CREBBP: variants seen among roughly 807,000 people sequenced by gnomAD.
CREBBP encodes the protein CREB-binding protein.
In CREBBP, 19 loss-of-function variants were observed where a neutral mutation model predicts 265.0. The ratio of observed to expected loss-of-function variants is 0.07; its 90% confidence interval spans 0.05 to 0.11. CREBBP has a LOEUF of 0.11. CREBBP is among the 10% of genes least tolerant of loss of function. The pLI, the probability that CREBBP is intolerant of heterozygous loss-of-function variation, is 1.00. For synonymous variants in CREBBP, 1,457 were observed against 1,223.7 expected (o/e 1.19, Z -3.98); for missense variants, 2,525 against 3,219.0 (o/e 0.78, Z 5.22).
rs146195629 is a variant in CREBBP, at chr16:3,767,636, A to C, written c.3250+84T>G. On this transcript the variant is annotated intron_variant, in intron 16 of 30. Coordinates refer to ENST00000262367, the MANE Select transcript of CREBBP (RefSeq NM_004380.3). ...AAAGGGCAGATAGAATTATGTTTCT[A>C]CTTTAGCTTTTAATCCTCCACATGG... The C allele has an allele frequency of 3.2e-6, 5 of 1,564,432 alleles. No individual in the cohort carries two copies. In the African/African-American group the frequency reaches 6.8e-5, roughly 21 times the overall value.
chr16:3,747,995 C>T (rs1170611742), intron 21 of CREBBP, among the ~76,000 whole-genome samples: 2 of 152,332 alleles, frequency 1.3e-5, no homozygotes, highest in Non-Finnish European at 2.9e-5. Flanking sequence ...GAGGCTGAGG[C>T]AGGAGAATCG....
intron 2 of CREBBP, among the ~76,000 whole-genome samples, chr16:3,839,452 A>G (rs2054521498): frequency 6.6e-6 from 1 of 152,068 alleles, no homozygotes; most frequent in Admixed American, 6.6e-5. Context: ...AGGCTGAGGC[A>G]GGCGGATCAC....
intron 16 of CREBBP, among the ~76,000 whole-genome samples, chr16:3,765,892 G>A (rs988152362): frequency 6.6e-6 from 1 of 152,086 alleles, no homozygotes; most frequent in South Asian, 2.1e-4. Context: ...CTAGAGTGCA[G>A]TGGTGCAATC....
intron 1 of CREBBP, among the ~76,000 whole-genome samples, chr16:3,857,912 G>T (rs2054996771): frequency 6.6e-6 from 1 of 152,232 alleles, no homozygotes; most frequent in Non-Finnish European, 1.5e-5. Context: ...ACGAGGCTGG[G>T]AAGACCCAGT....
intron 4 of CREBBP, among the ~76,000 whole-genome samples, 193 bp downstream of exon 4, chr16:3,793,193 T>G (rs982204707): frequency 6.6e-6 from 1 of 152,236 alleles, no homozygotes; most frequent in African/African-American, 2.4e-5. Flanking sequence ...CGCCTTTCTC[T>G]TCAGCAGATA....
intron 3 of CREBBP, among the ~76,000 whole-genome samples, chr16:3,798,493 G>T (rs1042841016): frequency 1.3e-5 from 2 of 152,046 alleles, no homozygotes; most frequent in African/African-American, 4.8e-5. Context: ...AAGACTAATA[G>T]CCCAATTAAA....
At position 3,731,114 on chromosome 16, in the gene CREBBP, G is replaced by A. The variant is rs951219437; in HGVS notation, c.5172+78C>T. The A allele has an allele frequency of 2.8e-5, 42 of 1,483,538 alleles. No individual in the cohort carries two copies. Among genetic ancestry groups the A allele is most frequent in the Middle Eastern group, 2.3e-4 (1 of 4,324 alleles). 91.9% of individuals were successfully genotyped at this position (1,483,538 alleles called of 1,614,324 possible). A position where few individuals can be genotyped will look rare whatever the true frequency, so the allele number is the denominator to read the frequency against. ...CACCATCAGGTACAGACACCAACCC[G>A]GGCACCCATGCAAAGGGACAGGATG... On this transcript the variant is annotated intron_variant, in intron 30 of 30. Transcript: ENST00000262367. This position sits in a 1 kb window ranked among gnomAD's most constrained non-coding sequence, Gnocchi z 7.7.
intron 2 of CREBBP, among the ~76,000 whole-genome samples, chr16:3,834,603 A>C (rs577872799): frequency 2.6e-5 from 4 of 152,304 alleles, no homozygotes; most frequent in East Asian, 3.9e-4. Flanking sequence ...ACAATGATGC[A>C]CATCATTATA....
chr16:3,737,662 C>T (rs2052099435), intron 26 of CREBBP, among the ~76,000 whole-genome samples: 1 of 152,076 alleles, frequency 6.6e-6, no homozygotes, highest in Non-Finnish European at 1.5e-5. Context: ...CAGGGTTTCA[C>T]CATGTTGGTC....
At chr16:3,771,137 C>T (rs1033858396) in intron 13 of CREBBP, 151 bp from the exon 14 acceptor site, 20 of 804,754 alleles carry the variant, frequency 2.5e-5, no homozygotes, top group Admixed American at 1.7e-4. Flanking sequence ...GGTGCGATCT[C>T]GGCTCACTGC....
At chr16:3,794,847 G>C (rs543716429) in intron 3 of CREBBP, among the ~76,000 whole-genome samples, 18 of 152,184 alleles carry the variant, frequency 1.2e-4, no homozygotes, top group South Asian at 1.0e-3. Context: ...CACAGTTCCG[G>C]GATTTCCAAT....
chr16:3,787,195 C>A (rs1238160417), intron 5 of CREBBP, among the ~76,000 whole-genome samples: 1 of 152,186 alleles, frequency 6.6e-6, no homozygotes, highest in Non-Finnish European at 1.5e-5. Context: ...CCTTCCTATG[C>A]ACTGCGTGGG....
chr16:3,839,044 T>C (rs1011581562), intron 2 of CREBBP, among the ~76,000 whole-genome samples: 3 of 152,246 alleles, frequency 2.0e-5, no homozygotes, highest in Non-Finnish European at 4.4e-5. Context: ...CTCATTTAAT[T>C]GGCATGCGAT....
chr16:3,799,774 A>G (rs1460114261), intron 3 of CREBBP, among the ~76,000 whole-genome samples: 1 of 152,238 alleles, frequency 6.6e-6, no homozygotes, highest in African/African-American at 2.4e-5. Flanking sequence ...AGCCATGTGG[A>G]GCAGGGGAAT....
chr16:3,850,034 G>C (rs2141487740), intron 2 of CREBBP, among the ~76,000 whole-genome samples: 1 of 152,254 alleles, frequency 6.6e-6, no homozygotes, highest in East Asian at 1.9e-4. Context: ...ACCTCTACCA[G>C]GTTCACGGAC....
intron 2 of CREBBP, among the ~76,000 whole-genome samples, chr16:3,847,652 C>G (rs1296442371): frequency 6.6e-6 from 1 of 152,132 alleles, no homozygotes; most frequent in East Asian, 1.9e-4. Context: ...ATAAAGGAAC[C>G]CCAGGATGGA....
intron 2 of CREBBP, among the ~76,000 whole-genome samples, chr16:3,849,460 T>C (rs1466003918): frequency 1.5e-5 from 2 of 131,742 alleles, no homozygotes; most frequent in African/African-American, 5.6e-5. Context: ...TGTGTGTGTG[T>C]GTGTGTGTGT....
chr16:3,792,682 C>T (rs1435788886), intron 4 of CREBBP, among the ~76,000 whole-genome samples: 5 of 152,254 alleles, frequency 3.3e-5, no homozygotes, highest in East Asian at 1.9e-4. Flanking sequence ...CAACGGGAGA[C>T]GGGGAGACCA....
chr16:3,755,184 G>A (rs2052559968), intron 19 of CREBBP, among the ~76,000 whole-genome samples: 2 of 152,164 alleles, frequency 1.3e-5, no homozygotes, highest in South Asian at 2.1e-4. Flanking sequence ...TGCCATCAAT[G>A]ACTTTATATG....
Sources: allele counts gnomAD v4.1 joint callset (sites outside exome capture counted in the v4.1 genomes callset), GRCh38; gene constraint gnomAD v4.1.1; non-coding constraint Gnocchi (gnomAD v3.1); transcripts MANE v1.5; gene names NCBI Gene and HGNC (gene_info 2026-07-23, HGNC 2026-07-21).